The following LIPC variants were observed in gnomAD, a reference collection of about 807,000 sequenced individuals.
LIPC encodes hepatic triacylglycerol lipase.
Under a neutral mutation model 50.7 loss-of-function variants are expected in LIPC, and 44 were observed. The ratio of observed to expected loss-of-function variants is 0.87; its 90% confidence interval spans 0.68 to 1.11. The LOEUF is 1.11. LIPC is among the 50% of genes most tolerant of loss of function. LIPC has a pLI of 0.00. For synonymous variants in LIPC, 271 were observed against 256.4 expected, an observed-to-expected ratio of 1.06 and a Z score of -0.54; for missense variants, 697 against 648.2, an observed-to-expected ratio of 1.08 and a Z score of -0.82.
intron 8 of LIPC, chr15:58,565,307 T>G (rs1894326866): frequency 6.5e-7 from 1 of 1,535,444 alleles, no homozygotes; most frequent in Non-Finnish European, 8.7e-7. Context: ...CCAGATGCTC[T>G]TAGCTGGAGA....
intron 1 of LIPC, among the ~76,000 whole-genome samples, chr15:58,499,721 C>T (rs10152186): frequency 0.3 from 45,735 of 152,008 alleles, 7,053 homozygotes; most frequent in Admixed American, 0.38. Flanking sequence ...GCCCAGGAGC[C>T]ACCCGAAATG....
At position 58,561,165 on chromosome 15, in the gene LIPC, C is replaced by T. The variant is rs377596448; in HGVS notation, c.1169+184C>T. The stretch of plus-strand genomic sequence containing the variant: ...ATTTTGCCAAGGTTAAAGACATTAC[C>T]GTGACACAGCCTCAGGAGGTCCTGG... On this transcript the variant is annotated intron_variant, in intron 7 of 8. Coordinates refer to ENST00000299022, the MANE Select transcript of LIPC (RefSeq NM_000236.3). 2.4e-4 allele frequency among the ~76,000 whole-genome samples: 37 copies of T among 152,304 alleles called. 1 individual carries two copies. The South Asian group carries it at 6.0e-3, about 25-fold the overall frequency.
chr15:58,567,744 G>A (rs940872854), intron 8 of LIPC, among the ~76,000 whole-genome samples: 3 of 4,264 alleles, frequency 7.0e-4, no homozygotes, highest in Non-Finnish European at 0.023. Context: ...CCATTTTCTG[G>A]TAACAGGAAA....
chr15:58,461,461 G>T (rs970844159), intron 1 of LIPC, among the ~76,000 whole-genome samples: 7 of 152,208 alleles, frequency 4.6e-5, no homozygotes, highest in African/African-American at 1.7e-4. Flanking sequence ...CTGGAGTGCA[G>T]TGGCTCGATC....
chr15:58,551,082 C>A (rs1893743238), intron 6 of LIPC, among the ~76,000 whole-genome samples: 1 of 152,142 alleles, frequency 6.6e-6, no homozygotes, highest in East Asian at 1.9e-4. Flanking sequence ...AGTGATCCAC[C>A]CGCCTCTGCC....
intron 4 of LIPC, among the ~76,000 whole-genome samples, chr15:58,543,471 C>A (rs561780616): frequency 6.6e-6 from 1 of 152,264 alleles, no homozygotes; most frequent in East Asian, 1.9e-4. Flanking sequence ...CCTCTTGTGC[C>A]TCTGGGCCTT....
chr15:58,453,069 AC>A (rs145749514), intron 1 of LIPC, among the ~76,000 whole-genome samples: 2,488 of 152,172 alleles, frequency 0.016, 67 homozygotes, highest in African/African-American at 0.057. Flanking sequence ...CTCAGAAATG[AC>A]TTCGGTCTTC....
intron 8 of LIPC, among the ~76,000 whole-genome samples, chr15:58,567,123 AC>A (rs1443744602): frequency 6.7e-6 from 1 of 149,238 alleles, no homozygotes; most frequent in Non-Finnish European, 1.5e-5. Flanking sequence ...AATCGCTTGA[AC>A]CCAGGAGGCA....
chr15:58,450,571 C>A (rs1893865444), intron 1 of LIPC, among the ~76,000 whole-genome samples: 2 of 152,236 alleles, frequency 1.3e-5, no homozygotes, highest in South Asian at 4.2e-4. Flanking sequence ...AGGAAATCGT[C>A]AGTTAAAGGT....
At chr15:58,515,757 G>A (rs1275355919) in intron 1 of LIPC, among the ~76,000 whole-genome samples, 1 of 152,076 alleles carries the variant, frequency 6.6e-6, no homozygotes, top group African/African-American at 2.4e-5. Context: ...AAATCAGTGA[G>A]CTGAACGGCA....
chr15:58,498,453 T>C (rs1446952455), intron 1 of LIPC, among the ~76,000 whole-genome samples: 1 of 151,872 alleles, frequency 6.6e-6, no homozygotes, highest in African/African-American at 2.4e-5. Context: ...TTGAGGTGGG[T>C]GATGAAAAAA....
At chr15:58,447,296 C>G (rs1046421778) in intron 1 of LIPC, among the ~76,000 whole-genome samples, 8 of 152,122 alleles carry the variant, frequency 5.3e-5, no homozygotes, top group African/African-American at 1.7e-4. Context: ...TACAAGTGGC[C>G]ACTGGGGCTC....
At position 58,568,895 on chromosome 15, in the gene LIPC, T is replaced by G. The variant is rs545248478; in HGVS notation, c.*68T>G. The G allele has an allele frequency of 2.5e-5, 22 of 869,140 alleles. No homozygotes were observed. The highest frequency in any genetic ancestry group is 9.8e-5 in the Admixed American group (4 of 40,956). 53.8% of individuals were successfully genotyped at this position (869,140 alleles called of 1,614,324 possible). A position where few individuals can be genotyped will look rare whatever the true frequency, so the allele number is the denominator to read the frequency against. ...CCTTATCTGGAATGGCTGCCTTATT[T>G]AGAAGCCAAAATTACATAAAGAATC... On this transcript the variant is annotated 3_prime_UTR_variant, in exon 9 of 9. Transcript: ENST00000299022.
rs1320517689 is a variant in LIPC at position 58,530,505 on chromosome 15, C to G, written c.89-7828C>G. Among the ~76,000 whole-genome samples, 6 of 152,384 alleles carry G rather than the reference C, an allele frequency of 3.9e-5. No homozygotes were observed. In the East Asian group the frequency reaches 7.7e-4, roughly 20 times the overall value. ...TGCTGTGCAGCCTATGCCGCTCAAC[C>G]TGGATCAAGGGCAATGTGGAGAAAC... On this transcript the variant is annotated intron_variant, in intron 1 of 8. Transcript: ENST00000299022.
intron 1 of LIPC, among the ~76,000 whole-genome samples, chr15:58,532,654 A>C (rs1229085419): frequency 2.0e-5 from 3 of 152,202 alleles, no homozygotes; most frequent in Non-Finnish European, 2.9e-5. Context: ...AGGGCTCAAC[A>C]AACACTGAAC....
Position 58,548,417 on chromosome 15 carries a change from C to G in LIPC, c.896C>G (p.Ala299Gly). The G allele has an allele frequency of 6.2e-7, 1 of 1,614,162 alleles. No individual in the cohort carries two copies. The highest frequency in any genetic ancestry group is 1.3e-5 in the African/African-American group (1 of 75,064). ...SLLHAGTQSM[A>G]YPCGDMNSFS... ...CTGCACGCCGGCACGCAGAGCATGG[C>G]CTACCCGTGTGGTGACATGAACAGC... The change falls in exon 6 of 9, where the codon GCC (alanine) becomes GGC (glycine). Residue 299 changes from alanine (A) to glycine (G), a missense_variant. Coordinates refer to ENST00000299022, the MANE Select transcript of LIPC (RefSeq NM_000236.3).
At chr15:58,437,808 A>G (rs1296317549) in intron 1 of LIPC, among the ~76,000 whole-genome samples, 3 of 152,228 alleles carry the variant, frequency 2.0e-5, no homozygotes, top group Non-Finnish European at 4.4e-5. Flanking sequence ...TTCTGGAATC[A>G]GCAGAGGGCC....
intron 8 of LIPC, among the ~76,000 whole-genome samples, chr15:58,567,365 GTA>G (rs146459685): frequency 6.6e-5 from 7 of 106,244 alleles, no homozygotes; most frequent in Non-Finnish European, 1.1e-4. Flanking sequence ...ATATGTATAT[GTA>G]TATATATATA....
intron 1 of LIPC, among the ~76,000 whole-genome samples, chr15:58,529,810 G>A (rs1251868415): frequency 6.6e-6 from 1 of 152,138 alleles, no homozygotes; most frequent in Non-Finnish European, 1.5e-5. Context: ...GGCCTTTCTG[G>A]GTCCCAGTTT....
Sources: gnomAD v4.1 joint callset for allele counts (sites outside exome capture counted in the v4.1 genomes callset) on GRCh38, gnomAD v4.1.1 for gene constraint, MANE v1.5 for transcripts, NCBI Gene and HGNC (gene_info 2026-07-23, HGNC 2026-07-21) for gene names.